The following XIRP2 variants were observed in gnomAD, a reference collection of about 807,000 sequenced individuals.
XIRP2 encodes xin actin-binding repeat-containing protein 2.
XIRP2 carries 236 observed loss-of-function variants against 277.0 expected under a neutral mutation model. The observed-to-expected ratio is 0.85, with a 90% CI of 0.77 to 0.95. The LOEUF is 0.95. Among genes scored for constraint, XIRP2 ranks in the 40% least tolerant of loss-of-function variants. The pLI, the probability that XIRP2 is intolerant of heterozygous loss-of-function variation, is 0.00. For missense variants in XIRP2, 4,640 were observed against 4,157.5 expected (o/e 1.12, Z -3.19); for synonymous variants, 1,490 against 1,416.5 (o/e 1.05, Z -1.17).
At chr2:166,894,179 A>G (rs778345983) in intron 1 of XIRP2, among the ~76,000 whole-genome samples, 1 of 152,154 alleles carries the variant, frequency 6.6e-6, no homozygotes, top group Non-Finnish European at 1.5e-5. Flanking sequence ...AATTCTTACA[A>G]TGACAGAGAT....
Position 167,135,998 on chromosome 2 carries a change from G to T in XIRP2, c.498G>T (p.Lys166Asn). Reference protein sequence around the residue: ...QLEDSVKDSDKKGKETSFDKM... With the variant: ...QLEDSVKDSDNKGKETSFDKM... ...AGGATTCTGTGAAAGATTCAGACAA[G>T]AAAGGCAAGGAAACATCTTTTGACA... Residue 166 changes from lysine (K) to asparagine (N), a missense_variant, in exon 3 of 11, where the codon AAG becomes AAT. Physicochemically the swap from Lys to Asn is moderately conservative, Grantham distance 94. Coordinates refer to ENST00000409195, the MANE Select transcript of XIRP2 (RefSeq NM_152381.6). 1 of 1,611,980 alleles carries T rather than the reference G, an allele frequency of 6.2e-7. No homozygotes were observed. Among genetic ancestry groups the T allele is most frequent in the East Asian group, 2.2e-5 (1 of 44,754 alleles).
intron 5 of XIRP2, among the ~76,000 whole-genome samples, chr2:167,234,090 AG>A (rs777099576): frequency 2.0e-5 from 3 of 151,778 alleles, no homozygotes; most frequent in East Asian, 3.9e-4. Context: ...TTAGAGCAGG[AG>A]GAGACAGAGT....
intron 2 of XIRP2, among the ~76,000 whole-genome samples, chr2:166,908,791 A>T (rs913239216): frequency 6.6e-6 from 1 of 152,066 alleles, no homozygotes; most frequent in African/African-American, 2.4e-5. Flanking sequence ...TTAATTTTTC[A>T]TATAAGGTGT....
At chr2:167,124,105 T>C (rs929042426) in intron 2 of XIRP2, 3 of 152,122 alleles carry the variant, frequency 2.0e-5, no homozygotes, top group South Asian at 4.1e-4. Flanking sequence ...TGTTATTTAA[T>C]ATGTAAACCC....
intron 2 of XIRP2, among the ~76,000 whole-genome samples, chr2:166,931,012 A>G (rs1223183522): frequency 6.6e-6 from 1 of 152,144 alleles, no homozygotes; most frequent in East Asian, 1.9e-4. Context: ...ATCAGATACA[A>G]TGCAATATTT....
intron 5 of XIRP2, among the ~76,000 whole-genome samples, chr2:167,223,857 G>A (rs1694506902): frequency 6.6e-6 from 1 of 152,184 alleles, no homozygotes; most frequent in Non-Finnish European, 1.5e-5. Context: ...GAGGCAATCT[G>A]GAGTAGTAAT....
chr2:166,983,324 ATTTC>A (rs1243720819), intron 2 of XIRP2, among the ~76,000 whole-genome samples: 2 of 152,020 alleles, frequency 1.3e-5, no homozygotes, highest in Non-Finnish European at 2.9e-5. Context: ...GATAGATTAT[ATTTC>A]TTTCCCAAGT....
intron 2 of XIRP2, 56 bp from the exon 3 acceptor site, chr2:167,135,853 A>T: frequency 1.4e-6 from 2 of 1,429,134 alleles, no homozygotes; most frequent in Non-Finnish European, 1.8e-6. Flanking sequence ...CCTAAAAAAC[A>T]CATCTGTTTC....
Position 167,161,401 on chromosome 2 carries a change from G to C in XIRP2, c.562+25339G>C, listed in dbSNP as rs561038644. The stretch of plus-strand genomic sequence containing the variant: ...AGCACTGCCCCTGCAGCAAACTTCT[G>C]CCTGGACATCCAGTTGTTTCCATAC... On this transcript the variant is annotated intron_variant, in intron 3 of 10. Coordinates refer to ENST00000409195, the MANE Select transcript of XIRP2 (RefSeq NM_152381.6). 2.6e-5 allele frequency among the ~76,000 whole-genome samples: 4 copies of C among 152,330 alleles called. No individual in the cohort carries two copies. The East Asian group carries it at 5.8e-4, about 22-fold the overall frequency.
At chr2:167,188,417 A>G (rs897274030) in intron 3 of XIRP2, among the ~76,000 whole-genome samples, 1 of 152,174 alleles carries the variant, frequency 6.6e-6, no homozygotes, top group Non-Finnish European at 1.5e-5. Context: ...GAACCAAAAG[A>G]TATTTTATTT....
chr2:166,962,036 A>G (rs1414382863), intron 2 of XIRP2, among the ~76,000 whole-genome samples: 2 of 151,624 alleles, frequency 1.3e-5, no homozygotes, highest in Admixed American at 6.6e-5. Context: ...AGTGGCCATA[A>G]AAGTTCAAGG....
intron 3 of XIRP2, among the ~76,000 whole-genome samples, chr2:167,143,017 GA>G: frequency 6.6e-6 from 1 of 152,192 alleles, no homozygotes; most frequent in East Asian, 1.9e-4. Context: ...AGAGAAGTGG[GA>G]AAAATAAAGC....
intron 3 of XIRP2, among the ~76,000 whole-genome samples, chr2:167,147,365 A>G (rs2105328543): frequency 6.6e-6 from 1 of 152,292 alleles, no homozygotes; most frequent in African/African-American, 2.4e-5. Context: ...AAGCTCTGGA[A>G]TATCAGGCCC....
intron 10 of XIRP2, 141 bp from the exon 11 acceptor site, chr2:167,257,716 G>A: frequency 1.3e-6 from 1 of 754,024 alleles, no homozygotes; most frequent in East Asian, 2.7e-5. Flanking sequence ...TTATCTAACA[G>A]AAATGTTCAA....
At chr2:167,055,351 A>G (rs1275150889) in intron 2 of XIRP2, among the ~76,000 whole-genome samples, 2 of 152,220 alleles carry the variant, frequency 1.3e-5, no homozygotes, top group African/African-American at 2.4e-5. Context: ...CTCTCTATGT[A>G]GTGATTTTCC....
At chr2:167,225,695 C>G (rs1047677467) in intron 5 of XIRP2, among the ~76,000 whole-genome samples, 1 of 152,036 alleles carries the variant, frequency 6.6e-6, no homozygotes, top group Non-Finnish European at 1.5e-5. Context: ...AAAAACAGCA[C>G]AAACATTGTT....
intron 2 of XIRP2, among the ~76,000 whole-genome samples, chr2:167,088,488 C>T (rs1398702703): frequency 6.6e-6 from 1 of 152,166 alleles, no homozygotes; most frequent in African/African-American, 2.4e-5. Context: ...CTATTCTCCA[C>T]ATTACAGCCA....
chr2:167,079,700 T>C (rs183147766), intron 2 of XIRP2, among the ~76,000 whole-genome samples: 6 of 152,034 alleles, frequency 3.9e-5, no homozygotes, highest in Admixed American at 3.9e-4. Context: ...TTGCCGTCTC[T>C]GATTGTACGT....
chr2:167,210,929 T>G (rs1293342936), intron 4 of XIRP2, 34 bp downstream of exon 4: 8 of 1,610,586 alleles, frequency 5.0e-6, no homozygotes, highest in Non-Finnish European at 6.8e-6. Context: ...CACTAGGCAA[T>G]GTGCTTACTG....
Sources: gnomAD v4.1 joint callset for allele counts (sites outside exome capture counted in the v4.1 genomes callset) on GRCh38, gnomAD v4.1.1 for gene constraint, MANE v1.5 for transcripts, NCBI Gene and HGNC (gene_info 2026-07-23, HGNC 2026-07-21) for gene names.